Variants in METTL22 observed in about 807,000 individuals in gnomAD.
The protein encoded by METTL22 is methyltransferase-like protein 22.
METTL22 carries 51 observed loss-of-function variants against 48.4 expected under a neutral mutation model. The ratio of observed to expected loss-of-function variants is 1.05; its 90% CI spans 0.84 to 1.33. METTL22 has a LOEUF of 1.33. Among genes scored for constraint, METTL22 ranks in the 40% most tolerant of loss-of-function variants. The probability of loss-of-function intolerance (pLI) is 0.00; values close to 1 mark genes in which losing one functional copy is unlikely to be tolerated. For missense variants in METTL22, 678 were observed against 526.9 expected (o/e 1.29, Z -2.81); for synonymous variants, 255 against 214.1 (o/e 1.19, Z -1.67).
rs892977961 is a variant in METTL22, at chr16:8,649,078, C to T, written c.*2935C>T. On this transcript the variant is annotated 3_prime_UTR_variant, in exon 11 of 11. Transcript: ENST00000381920. Reference sequence around the variant, plus strand: ...GGCAGTACGTCAGCACTAATGGTGACAATTTCCTAGCACTCCTGGGTACAA... The same window carrying T: ...GGCAGTACGTCAGCACTAATGGTGATAATTTCCTAGCACTCCTGGGTACAA... The T allele has an allele frequency of 1.3e-5, 2 of 152,214 alleles. No individual in the cohort carries two copies. The highest frequency in any genetic ancestry group is 4.8e-5 in the African/African-American group (2 of 41,448). 9.4% of individuals were successfully genotyped at this position (152,214 alleles called of 1,614,324 possible).
chr16:8,646,455 T>C lies in METTL22; in HGVS notation c.*312T>C, dbSNP rs564519558. 8.2e-6 allele frequency: 5 copies of C among 613,216 alleles called. No homozygotes were observed. The highest frequency in any genetic ancestry group is 4.2e-5 in the Admixed American group (2 of 47,222). 38.0% of individuals were successfully genotyped at this position (613,216 alleles called of 1,614,324 possible). On this transcript the variant is annotated 3_prime_UTR_variant, in exon 11 of 11. Coordinates refer to ENST00000381920, the MANE Select transcript of METTL22 (RefSeq NM_024109.4). Reference sequence around the variant, plus strand: ...ACCCACGTCAGTCATTTCAGCTGTGTGCTTTACTTGCGGTTGCGGCCCTGG... The same window carrying C: ...ACCCACGTCAGTCATTTCAGCTGTGCGCTTTACTTGCGGTTGCGGCCCTGG...
intron 7 of METTL22, 174 bp from the exon 8 acceptor site, chr16:8,641,953 C>A: frequency 1.6e-6 from 1 of 635,234 alleles, no homozygotes. Flanking sequence ...TGACTCTGCA[C>A]CCGGGCAGCA....
the METTL22 span, among the ~76,000 whole-genome samples, chr16:8,661,515 G>T: frequency 7.1e-6 from 1 of 140,900 alleles, no homozygotes; most frequent in Admixed American, 7.3e-5. Flanking sequence ...GCGTGGTGGC[G>T]GGCGCCTGTA....
intron 7 of METTL22, 151 bp downstream of exon 7, chr16:8,641,335 G>A (rs1428006290): frequency 1.4e-5 from 11 of 763,252 alleles, no homozygotes; most frequent in Non-Finnish European, 2.6e-5. Context: ...ATTGGCCGAT[G>A]AGCACCAGCT....
rs199595099 is a variant in METTL22 at position 8,641,230 on chromosome 16, T to G, written c.826+46T>G. Reference sequence around the variant, plus strand: ...TCCCCCAGTATGATTCAGTGATTCCTTTGTAATACCTCAGTGCCCCTGGCT... The same window carrying G: ...TCCCCCAGTATGATTCAGTGATTCCGTTGTAATACCTCAGTGCCCCTGGCT... On this transcript the variant is annotated intron_variant, in intron 7 of 10. Coordinates refer to ENST00000381920, the MANE Select transcript of METTL22 (RefSeq NM_024109.4). The G allele has an allele frequency of 4.4e-6, 7 of 1,586,928 alleles. No homozygotes were observed. In the Admixed American group the frequency reaches 8.4e-5, roughly 19 times the overall value.
At chr16:8,651,328 A>G (rs1490448919), downstream of METTL22, among the ~76,000 whole-genome samples, 2 of 137,456 alleles carry the variant, frequency 1.5e-5, no homozygotes, top group Non-Finnish European at 1.5e-5. Context: ...CGGAGCTTGC[A>G]GTGAGCTGAG....
intron 3 of METTL22, chr16:8,631,494 C>A (rs895397205): frequency 6.6e-6 from 1 of 152,176 alleles, no homozygotes; most frequent in Admixed American, 6.5e-5. Flanking sequence ...GGTACAACCT[C>A]CTCCAGTTGT....
intron 10 of METTL22, 74 bp from the exon 11 acceptor site, chr16:8,646,034 C>CTCCTTTCCTGCTCCGTGGCTT: frequency 6.3e-7 from 1 of 1,597,454 alleles, no homozygotes; most frequent in Non-Finnish European, 8.5e-7. Flanking sequence ...CTTGGTGAAT[C>CTCCTTTCCTGCTCCGTGGCTT]ACTTTCCTTA....
chr16:8,646,023 C>CATTGCCTGCTCCGTGGCTGACGTGTTGT, intron 10 of METTL22, 85 bp from the exon 11 acceptor site: 1 of 1,597,300 alleles, frequency 6.3e-7, no homozygotes, highest in South Asian at 1.1e-5. Context: ...TAACTACTCT[C>CATTGCCTGCTCCGTGGCTGACGTGTTGT]CTTGGTGAAT....
At position 8,628,751 on chromosome 16, in the gene METTL22, T is replaced by G. The variant is rs1257834939; in HGVS notation, c.155T>G (p.Leu52Arg). The change falls in exon 3 of 11, where the codon CTT (leucine) becomes CGT (arginine). Residue 52 changes from leucine to arginine, a missense_variant. Transcript: ENST00000381920. ...TCAGTTTTCCTGTCCCAATTCAAGC[T>G]TCTATGGAGCCAAGACTCTTGGACA... ...GQPVFLSQFK[L>R]LWSQDSWTDS... 7.4e-6 allele frequency: 12 copies of G among 1,611,516 alleles called. No individual in the cohort carries two copies. The highest frequency in any genetic ancestry group is 1.3e-5 in the African/African-American group (1 of 74,786).
At position 8,628,760 on chromosome 16, in the gene METTL22, G is replaced by A. The variant is rs1338490079; in HGVS notation, c.164G>A (p.Ser55Asn). The A allele has an allele frequency of 1.9e-6, 3 of 1,613,918 alleles. No individual in the cohort carries two copies. The highest frequency in any genetic ancestry group is 2.5e-6 in the Non-Finnish European group (3 of 1,179,834). Residue 55 changes from serine (S) to asparagine (N), a missense_variant, in exon 3 of 11, where the codon AGC becomes AAC. Coordinates refer to ENST00000381920, the MANE Select transcript of METTL22 (RefSeq NM_024109.4). Reference protein sequence around the residue: ...VFLSQFKLLWSQDSWTDSGAK... With the variant: ...VFLSQFKLLWNQDSWTDSGAK... ...CTGTCCCAATTCAAGCTTCTATGGAGCCAAGACTCTTGGACAGATTCAGGA... is the reference window on the plus strand; with the variant it reads ...CTGTCCCAATTCAAGCTTCTATGGAACCAAGACTCTTGGACAGATTCAGGA...
intron 3 of METTL22, among the ~76,000 whole-genome samples, chr16:8,630,938 G>C (rs8054917): frequency 0.99 from 150,385 of 152,306 alleles, 74,279 homozygotes; most frequent in Middle Eastern, 1. Context: ...GCTGGATTTT[G>C]AGCCCAGCTC....
At chr16:8,650,816 G>C (rs2056883323), downstream of METTL22, among the ~76,000 whole-genome samples, 1 of 151,936 alleles carries the variant, frequency 6.6e-6, no homozygotes, top group Non-Finnish European at 1.5e-5. Context: ...CCTGAGGTCA[G>C]GAGTTCAAGA....
At chr16:8,644,130 C>A (rs2056708954) in intron 9 of METTL22, among the ~76,000 whole-genome samples, 1 of 152,170 alleles carries the variant, frequency 6.6e-6, no homozygotes, top group South Asian at 2.1e-4. Flanking sequence ...TCTCTCTGTT[C>A]TCTGTGCTCC....
chr16:8,656,370 CT>C, the METTL22 span, among the ~76,000 whole-genome samples: 1 of 152,164 alleles, frequency 6.6e-6, no homozygotes, highest in African/African-American at 2.4e-5. Context: ...TATTTGTACC[CT>C]GAGGGCCTTT....
chr16:8,646,687 T>G lies in METTL22; in HGVS notation c.*544T>G, dbSNP rs1484893734. ...CCAGGAATGGACTGGCATTGGCCTT[T>G]GTATTTAATTTTAACTCTTTATCAC... On this transcript the variant is annotated 3_prime_UTR_variant, in exon 11 of 11. Coordinates refer to ENST00000381920, the MANE Select transcript of METTL22 (RefSeq NM_024109.4). The G allele has an allele frequency of 1.5e-5, 7 of 456,634 alleles. No individual in the cohort carries two copies. The highest frequency in any genetic ancestry group is 3.1e-5 in the Non-Finnish European group (7 of 227,004). The allele number at this position is 456,634 out of a possible 1,614,324, so 28.3% of individuals were successfully genotyped here.
In METTL22 at chr16:8,647,230, C is replaced by T. The variant is rs1444971678; in HGVS notation, c.*1087C>T. 6.4e-6 allele frequency: 1 copy of T among 157,100 alleles called. No homozygotes were observed. Among genetic ancestry groups the T allele is most frequent in the East Asian group, 1.9e-4 (1 of 5,308 alleles). The allele number at this position is 157,100 out of a possible 1,614,324, so 9.7% of individuals were successfully genotyped here. On this transcript the variant is annotated 3_prime_UTR_variant, in exon 11 of 11. Coordinates refer to ENST00000381920, the MANE Select transcript of METTL22 (RefSeq NM_024109.4). ...TGCCAGGGGCCAGGCACTTGCAAGT[C>T]TAACTTCATCTTCCCAACAAATTTA...
chr16:8,636,335 GA>G (rs1296304575), intron 5 of METTL22, among the ~76,000 whole-genome samples: 2 of 152,156 alleles, frequency 1.3e-5, no homozygotes, highest in Non-Finnish European at 1.5e-5. Context: ...AGGAGTTTGA[GA>G]ACAGCCAGGC....
chr16:8,635,542 G>A (rs1195854356), intron 5 of METTL22, among the ~76,000 whole-genome samples: 3 of 152,184 alleles, frequency 2.0e-5, no homozygotes, highest in Non-Finnish European at 2.9e-5. Flanking sequence ...TAAGGCCATT[G>A]AGCTTCAGGA....
Sources: allele counts gnomAD v4.1 joint callset (sites outside exome capture counted in the v4.1 genomes callset), GRCh38; gene constraint gnomAD v4.1.1; transcripts MANE v1.5; gene names NCBI Gene and HGNC (gene_info 2026-07-23, HGNC 2026-07-21).